The following ABCA5 variants were observed in gnomAD, a reference collection of about 807,000 sequenced individuals.
ABCA5 encodes ATP binding cassette subfamily A member 5, also known as cholesterol transporter ABCA5.
A neutral mutation model predicts 206.0 loss-of-function variants in ABCA5; 163 were observed. The observed-to-expected ratio is 0.79, with a 90% CI of 0.70 to 0.90. The LOEUF (loss-of-function observed/expected upper bound fraction) is 0.90, where lower values mean the gene tolerates loss of function less well. Among genes scored for constraint, ABCA5 ranks in the 40% least tolerant of loss-of-function variants. The probability of loss-of-function intolerance (pLI) is 0.00; values close to 1 mark genes in which losing one functional copy is unlikely to be tolerated. For missense variants in ABCA5, 1,859 were observed against 1,912.9 expected, an observed-to-expected ratio of 0.97 and a Z score of 0.53; for synonymous variants, 609 against 613.8, an observed-to-expected ratio of 0.99 and a Z score of 0.11.
chr17:69,261,567 T>C (rs753084841), intron 25 of ABCA5, 68 bp downstream of exon 25: 39 of 743,850 alleles, frequency 5.2e-5, no homozygotes, highest in Middle Eastern at 2.5e-4. Flanking sequence ...ATTTTTAGTA[T>C]AATCAGGAAA....
intron 24 of ABCA5, among the ~76,000 whole-genome samples, chr17:69,263,366 T>C (rs1322719927): frequency 6.6e-6 from 1 of 152,202 alleles, no homozygotes; most frequent in Non-Finnish European, 1.5e-5. Flanking sequence ...GTTGATGTCT[T>C]ACCCTTAAAT....
rs2075143858 is a variant in ABCA5 at position 69,261,265 on chromosome 17, GA to G, written c.3430-7del. On this transcript the variant is annotated splice_region_variant and splice_polypyrimidine_tract_variant and intron_variant, in intron 25 of 38. Transcript: ENST00000392676. Reference sequence around the variant, plus strand: ...GCAATACAAGCCAACGCTGCCTAAAGAAAAAAATAAATAAATAAAAGTGACA... The same window carrying G: ...GCAATACAAGCCAACGCTGCCTAAAGAAAAAATAAATAAATAAAAGTGACA... 3 of 1,577,536 alleles carry G rather than the reference GA, an allele frequency of 1.9e-6. No individual in the cohort carries two copies. The highest frequency in any genetic ancestry group is 1.4e-5 in the African/African-American group (1 of 73,056).
Position 69,253,633 on chromosome 17 carries a change from T to C in ABCA5, c.4355A>G (p.Gln1452Arg). The change falls in exon 34 of 39, where the codon CAG becomes CGG. Residue 1452 changes from glutamine to arginine, a missense_variant. Gln to Arg is a conservative substitution (Grantham distance 43). Transcript: ENST00000392676. ...AGATGGTTCATCTAGCAAAGTAATC[T>C]GAGGATTCCCTAGCATACTTAGAGC... ...CFALSMLGNPQITLLDEPSTG... is the reference protein window; with the variant it reads ...CFALSMLGNPRITLLDEPSTG... The C allele has an allele frequency of 6.2e-7, 1 of 1,613,836 alleles. No individual in the cohort carries two copies. The highest frequency in any genetic ancestry group is 1.7e-5 in the Admixed American group (1 of 60,010).
At position 69,260,312 on chromosome 17, in the gene ABCA5, A is replaced by T. The variant is rs139457282; in HGVS notation, c.3639+26T>A. ...CAAACCATTCTTAAGGTACATGCTA[A>T]TTCACAAAAACACTTTATTTCTTAC... On this transcript the variant is annotated intron_variant, in intron 27 of 38. Coordinates refer to ENST00000392676, the MANE Select transcript of ABCA5 (RefSeq NM_172232.4). The T allele has an allele frequency of 9.6e-5, 149 of 1,545,074 alleles. No individual in the cohort carries two copies. In the African/African-American group the frequency reaches 1.8e-3, roughly 18 times the overall value.
At chr17:69,292,929 A>G (rs1160440955) in intron 11 of ABCA5, among the ~76,000 whole-genome samples, 3 of 152,240 alleles carry the variant, frequency 2.0e-5, no homozygotes, top group Non-Finnish European at 4.4e-5. Flanking sequence ...AAAACCTCCA[A>G]ATGCCAATAA....
At chr17:69,276,215 T>C (rs2075330534) in intron 19 of ABCA5, among the ~76,000 whole-genome samples, 1 of 152,114 alleles carries the variant, frequency 6.6e-6, no homozygotes, top group Non-Finnish European at 1.5e-5. Flanking sequence ...GCCTCTCAAG[T>C]AGCTGAGACT....
chr17:69,252,366 GA>G (rs555856808), intron 34 of ABCA5, among the ~76,000 whole-genome samples: 173 of 147,452 alleles, frequency 1.2e-3, no homozygotes, highest in Non-Finnish European at 2.0e-3. Context: ...TTGTCAAATG[GA>G]AAAAAAAAAT....
At chr17:69,257,182 T>C (rs943910454) in intron 28 of ABCA5, among the ~76,000 whole-genome samples, 2 of 152,052 alleles carry the variant, frequency 1.3e-5, no homozygotes, top group East Asian at 1.9e-4. Context: ...CTAGCCACCA[T>C]GGAGAAACCC....
Position 69,280,783 on chromosome 17 carries a change from A to G in ABCA5, c.2393-2941T>C, listed in dbSNP as rs1324620831. 2.8e-4 allele frequency among the ~76,000 whole-genome samples: 41 copies of G among 147,308 alleles called. 1 individual carries two copies. Among genetic ancestry groups the G allele is most frequent in the Admixed American group, 1.4e-4 (2 of 14,646 alleles). On this transcript the variant is annotated intron_variant, in intron 18 of 38. Transcript: ENST00000392676. Reference sequence around the variant, plus strand: ...ATCATTCTCAGTAAACTATTGCAAGAACAAAAAACCAAACACCGCATATTC... The same window carrying G: ...ATCATTCTCAGTAAACTATTGCAAGGACAAAAAACCAAACACCGCATATTC...
At chr17:69,272,587 T>A (rs2075284819) in intron 20 of ABCA5, among the ~76,000 whole-genome samples, 1 of 152,088 alleles carries the variant, frequency 6.6e-6, no homozygotes, top group Non-Finnish European at 1.5e-5. Flanking sequence ...TAGCACAGTG[T>A]AAGGATTATA....
At chr17:69,270,435 A>G (rs935084473) in intron 22 of ABCA5, among the ~76,000 whole-genome samples, 178 bp downstream of exon 22, 1 of 152,120 alleles carries the variant, frequency 6.6e-6, no homozygotes, top group Non-Finnish European at 1.5e-5. Context: ...ACCCTGAAAC[A>G]TACTTCTACT....
At chr17:69,285,877 G>A (rs527419550) in intron 17 of ABCA5, 21 bp downstream of exon 17, 16 of 1,599,702 alleles carry the variant, frequency 1.0e-5, no homozygotes, top group African/African-American at 1.3e-5. Flanking sequence ...CAAACACCAA[G>A]AGACTTAAAG....
intron 23 of ABCA5, among the ~76,000 whole-genome samples, chr17:69,265,276 T>A (rs1028220399): frequency 1.3e-5 from 2 of 152,136 alleles, no homozygotes; most frequent in African/African-American, 4.8e-5. Flanking sequence ...TGGGAAGACA[T>A]GTTTACACAG....
chr17:69,266,008 A>G (rs1476535281), intron 23 of ABCA5, among the ~76,000 whole-genome samples: 1 of 152,196 alleles, frequency 6.6e-6, no homozygotes, highest in African/African-American at 2.4e-5. Context: ...AAAGCCAAAA[A>G]CGGAAAACAA....
chr17:69,322,348 A>G (rs182899079), intron 1 of ABCA5, among the ~76,000 whole-genome samples: 185 of 142,338 alleles, frequency 1.3e-3, no homozygotes, highest in African/African-American at 4.6e-3. Context: ...CTGGCAACAG[A>G]GCAAGATTCC....
chr17:69,318,992 T>C (rs2075841445), intron 1 of ABCA5: 3 of 502,486 alleles, frequency 6.0e-6, no homozygotes, highest in Non-Finnish European at 1.1e-5. Flanking sequence ...GAAAAACCCA[T>C]GTCTCCCTCT....
intron 35 of ABCA5, 32 bp from the exon 36 acceptor site, chr17:69,250,653 A>C: frequency 2.7e-6 from 4 of 1,479,356 alleles, no homozygotes; most frequent in Non-Finnish European, 3.6e-6. Flanking sequence ...AAGCTCAGAT[A>C]TAAAATGACA....
At chr17:69,306,993 T>C (rs1238777917) in intron 5 of ABCA5, 39 bp from the exon 6 acceptor site, 1 of 1,413,458 alleles carries the variant, frequency 7.1e-7, no homozygotes, top group Non-Finnish European at 9.5e-7. Flanking sequence ...ATTAATTTAG[T>C]TATGATAGCA....
At chr17:69,252,178 A>AT (rs35678568) in intron 34 of ABCA5, among the ~76,000 whole-genome samples, 58,929 of 150,152 alleles carry the variant, frequency 0.39, 12,397 homozygotes, top group South Asian at 0.5. Context: ...CACCCGGCTA[A>AT]TTTTTTTTTG....
Sources: allele counts gnomAD v4.1 joint callset (sites outside exome capture counted in the v4.1 genomes callset), GRCh38; gene constraint gnomAD v4.1.1; transcripts MANE v1.5; gene names NCBI Gene and HGNC (gene_info 2026-07-23, HGNC 2026-07-21).